The following PATJ variants were observed in gnomAD, a reference collection of about 807,000 sequenced individuals.
PATJ encodes the protein inaD-like protein.
PATJ carries 190 observed loss-of-function variants against 224.9 expected under a neutral mutation model. That is an observed-to-expected ratio of 0.84 (90% CI 0.75 to 0.95). The LOEUF (loss-of-function observed/expected upper bound fraction) is 0.95, where lower values mean the gene tolerates loss of function less well. Ranked by LOEUF, PATJ falls within the 40% of genes least tolerant of loss-of-function variation. The pLI is 0.00. For synonymous variants in PATJ, 769 were observed against 820.3 expected (o/e 0.94, Z 1.07); for missense variants, 2,121 against 2,270.3 (o/e 0.93, Z 1.34).
intron 31 of PATJ, among the ~76,000 whole-genome samples, chr1:62,062,392 CTTTTTTTTTTT>C (rs60747316): frequency 2.1e-4 from 6 of 28,480 alleles, no homozygotes; most frequent in South Asian, 3.3e-3. Context: ...ATGTTGTCTT[CTTTTTTTTTTT>C]TTTTTTTTTT....
rs1431914592 is a variant in PATJ at position 62,051,040 on chromosome 1, A to C, written c.4107A>C (p.Glu1369Asp). 6.8e-6 allele frequency: 11 copies of C among 1,612,692 alleles called. No homozygotes were observed. The East Asian group carries it at 2.5e-4, about 36-fold the overall frequency. The change falls in exon 31 of 44, where the codon GAA becomes GAC. Residue 1369 changes from glutamate to aspartate, a missense_variant. Glu to Asp is a conservative substitution (Grantham distance 45). Coordinates refer to ENST00000642238, the MANE Select transcript of PATJ (RefSeq NM_001350145.3). Reference sequence around the variant, plus strand: ...AAGTTGGTATTAAACAATTGCCTGAAAGTGAAAGCTTCAAACTGGTGAGAA... The same window carrying C: ...AAGTTGGTATTAAACAATTGCCTGACAGTGAAAGCTTCAAACTGGTGAGAA... ...SVEVGIKQLP[E>D]SESFKLAVSQ...
At chr1:62,103,176 T>G (rs1662438872) in intron 33 of PATJ, among the ~76,000 whole-genome samples, 1 of 152,110 alleles carries the variant, frequency 6.6e-6, no homozygotes, top group South Asian at 2.1e-4. Context: ...TTTGTACAAG[T>G]ACAAAATCAA....
intron 1 of PATJ, among the ~76,000 whole-genome samples, chr1:61,758,322 A>G (rs933793557): frequency 8.5e-5 from 13 of 152,146 alleles, no homozygotes; most frequent in Admixed American, 6.6e-5. Flanking sequence ...TTCTACATGT[A>G]TTTATGATAA....
At chr1:61,759,410 C>CT (rs56222334) in intron 1 of PATJ, among the ~76,000 whole-genome samples, 32,878 of 130,030 alleles carry the variant, frequency 0.25, 4,888 homozygotes, top group South Asian at 0.46. Flanking sequence ...ATTTTAATTG[C>CT]TTTTTTTTTT....
At position 61,743,103 on chromosome 1, in the gene PATJ, G is replaced by T. The variant is rs1411030210; in HGVS notation, c.-36+548G>T. On this transcript the variant is annotated intron_variant, in intron 1 of 43. Coordinates refer to ENST00000642238, the MANE Select transcript of PATJ (RefSeq NM_001350145.3). ...GTGCTCAGAGCCGGGCTGAGGGGGC[G>T]ACTTGGGCCCGGCCGCGTCGCGGCG... 5.3e-5 allele frequency among the ~76,000 whole-genome samples: 8 copies of T among 152,202 alleles called. No individual in the cohort carries two copies. In the East Asian group the frequency reaches 1.5e-3, roughly 29 times the overall value.
chr1:61,761,204 T>C (rs529772734), intron 1 of PATJ, among the ~76,000 whole-genome samples: 1 of 152,244 alleles, frequency 6.6e-6, no homozygotes, highest in South Asian at 2.1e-4. Context: ...CTCAAACTCC[T>C]GGATTCAAGT....
In PATJ at chr1:61,771,577, C is replaced by T. The variant is rs750307220; in HGVS notation, c.671C>T (p.Thr224Ile). The change falls in exon 6 of 44, where the codon ACA becomes ATA. Residue 224 changes from threonine (T) to isoleucine (I), a missense_variant. Coordinates refer to ENST00000642238, the MANE Select transcript of PATJ (RefSeq NM_001350145.3). ...RLIVAREPVHTKSSTSSSLND... is the reference protein window; with the variant it reads ...RLIVAREPVHIKSSTSSSLND... ...ATTGTGGCCAGGGAACCAGTCCACA[C>T]AAAAAGCAGTACTTCTAGCAGCCTA... 2 of 1,609,770 alleles carry T rather than the reference C, an allele frequency of 1.2e-6. No individual in the cohort carries two copies. Among genetic ancestry groups the T allele is most frequent in the South Asian group, 1.1e-5 (1 of 89,842 alleles).
At chr1:62,104,955 G>A (rs1403354650) in intron 33 of PATJ, among the ~76,000 whole-genome samples, 1 of 152,200 alleles carries the variant, frequency 6.6e-6, no homozygotes, top group Non-Finnish European at 1.5e-5. Context: ...CTCCCAAAGT[G>A]CTGGGATTAT....
chr1:61,840,809 A>T (rs989274302), intron 17 of PATJ, among the ~76,000 whole-genome samples: 1 of 152,200 alleles, frequency 6.6e-6, no homozygotes, highest in Middle Eastern at 3.4e-3. Flanking sequence ...AGAAGAGCAT[A>T]CTGTATCTTT....
At chr1:62,074,490 G>A (rs1657974920) in intron 31 of PATJ, among the ~76,000 whole-genome samples, 1 of 151,898 alleles carries the variant, frequency 6.6e-6, no homozygotes, top group Non-Finnish European at 1.5e-5. Flanking sequence ...CTGGAGTACA[G>A]TAGTGCAATC....
At chr1:61,973,405 G>A (rs950473660) in intron 27 of PATJ, among the ~76,000 whole-genome samples, 8 of 152,052 alleles carry the variant, frequency 5.3e-5, no homozygotes, top group African/African-American at 1.9e-4. Context: ...GGTATGCAGA[G>A]AGAAGTTCCA....
At chr1:61,813,374 TATATACACAC>T (rs1234249449) in intron 14 of PATJ, among the ~76,000 whole-genome samples, 152 of 71,930 alleles carry the variant, frequency 2.1e-3, no homozygotes, top group African/African-American at 5.5e-3. Flanking sequence ...TATATATATA[TATATACACAC>T]ACACACACAC....
chr1:62,087,104 C>T (rs1660104078), intron 33 of PATJ, among the ~76,000 whole-genome samples: 1 of 151,966 alleles, frequency 6.6e-6, no homozygotes, highest in Non-Finnish European at 1.5e-5. Flanking sequence ...AGCTCCTGTC[C>T]GGCGTCCGAG....
At chr1:62,060,095 T>C (rs1336493153) in intron 31 of PATJ, among the ~76,000 whole-genome samples, 1 of 152,196 alleles carries the variant, frequency 6.6e-6, no homozygotes, top group East Asian at 1.9e-4. Flanking sequence ...ATCTCATTTA[T>C]CCTGATAGAA....
chr1:62,117,428 C>G, intron 37 of PATJ: 2 of 1,380,516 alleles, frequency 1.4e-6, no homozygotes, highest in Non-Finnish European at 1.9e-6. Context: ...TTATTGCTTG[C>G]AAATGTTTTC....
chr1:61,918,665 T>C (rs938935180), intron 26 of PATJ, among the ~76,000 whole-genome samples: 6 of 152,132 alleles, frequency 3.9e-5, no homozygotes, highest in Non-Finnish European at 7.4e-5. Context: ...TTTTTCATTC[T>C]GAAATAGGTA....
At chr1:62,119,490 A>G (rs1664814823) in intron 37 of PATJ, among the ~76,000 whole-genome samples, 1 of 152,222 alleles carries the variant, frequency 6.6e-6, no homozygotes, top group African/African-American at 2.4e-5. Flanking sequence ...TCATTAAGAG[A>G]GAAATAACTT....
intron 14 of PATJ, among the ~76,000 whole-genome samples, chr1:61,818,446 C>G (rs1484404925): frequency 6.6e-6 from 1 of 152,190 alleles, no homozygotes; most frequent in East Asian, 1.9e-4. Flanking sequence ...ACTCTGCATA[C>G]TGAAAGGGGT....
At chr1:61,952,337 G>A in intron 27 of PATJ, 2 of 708,278 alleles carry the variant, frequency 2.8e-6, no homozygotes, top group Non-Finnish European at 2.6e-6. Context: ...TTTGAGCTGC[G>A]TCCAGCATTG....
Sources: allele counts gnomAD v4.1 joint callset (sites outside exome capture counted in the v4.1 genomes callset), GRCh38; gene constraint gnomAD v4.1.1; transcripts MANE v1.5; gene names NCBI Gene and HGNC (gene_info 2026-07-23, HGNC 2026-07-21).